MARCHF1: variants seen among roughly 807,000 people sequenced by gnomAD.
The protein encoded by MARCHF1 is membrane associated ring-CH-type finger 1.
In MARCHF1, 40 loss-of-function variants were observed where a neutral mutation model predicts 54.2. That is an observed-to-expected ratio of 0.74 (90% CI 0.57 to 0.96). MARCHF1 has a LOEUF of 0.96. Ranked by LOEUF, MARCHF1 falls within the 40% of genes least tolerant of loss-of-function variation. The pLI, the probability that MARCHF1 is intolerant of heterozygous loss-of-function variation, is 0.00. For missense variants in MARCHF1, 586 were observed against 656.5 expected, an observed-to-expected ratio of 0.89 and a Z score of 1.17; for synonymous variants, 236 against 236.3, an observed-to-expected ratio of 1.00 and a Z score of 0.01.
chr4:163,770,282 T>C (rs1747117383), intron 4 of MARCHF1, among the ~76,000 whole-genome samples: 1 of 152,120 alleles, frequency 6.6e-6, no homozygotes, highest in African/African-American at 2.4e-5. Flanking sequence ...GTCAATTGTA[T>C]ATTTAAAATC....
At chr4:164,142,594 G>C (rs1468100450) in intron 1 of MARCHF1, among the ~76,000 whole-genome samples, 1 of 152,092 alleles carries the variant, frequency 6.6e-6, no homozygotes, top group East Asian at 1.9e-4. Flanking sequence ...TACTCCAACA[G>C]ACCTGCAGCT....
intron 3 of MARCHF1, 60 bp from the exon 4 acceptor site, chr4:163,854,229 A>G (rs1400795615): frequency 4.8e-6 from 6 of 1,247,050 alleles, no homozygotes; most frequent in Non-Finnish European, 6.4e-6. Flanking sequence ...TTTGGAAAAT[A>G]CATATAATCA....
intron 4 of MARCHF1, among the ~76,000 whole-genome samples, chr4:163,833,504 C>G (rs1416304835): frequency 6.6e-6 from 1 of 152,022 alleles, no homozygotes; most frequent in African/African-American, 2.4e-5. Flanking sequence ...CTACAATGAA[C>G]TCAAACAAAT....
intron 5 of MARCHF1, among the ~76,000 whole-genome samples, chr4:163,633,948 T>C (rs1359688045): frequency 2.0e-5 from 3 of 152,124 alleles, no homozygotes; most frequent in African/African-American, 7.2e-5. Flanking sequence ...TATTCAACAT[T>C]CTTAAAGAAA....
chr4:163,634,585 A>G (rs1427756726), intron 5 of MARCHF1, among the ~76,000 whole-genome samples: 1 of 152,134 alleles, frequency 6.6e-6, no homozygotes, highest in Non-Finnish European at 1.5e-5. Context: ...AGGAGCACCA[A>G]GATTCATAAA....
rs1182087881 is a variant in MARCHF1 at position 163,612,307 on chromosome 4, G to A, written c.974C>T (p.Thr325Ile). ...TAAATTATCAGACCCATCGTCATAG[G>A]TGGCAGGAGGCTTCTGAACAGGGTT... ...VNNPVQKPPA[T>I]YDDGSDNLEV... Residue 325 changes from threonine (T) to isoleucine (I), a missense_variant, in exon 7 of 10, where the codon ACC becomes ATC. Thr to Ile is a moderately conservative substitution (Grantham distance 89). This residue lies in a region of MARCHF1 where 387 missense variants were observed against 394.6 expected (regional missense o/e 0.98). Coordinates refer to ENST00000514618, the MANE Select transcript of MARCHF1 (RefSeq NM_001394959.1). 1.3e-6 allele frequency: 2 copies of A among 1,522,048 alleles called. No homozygotes were observed. Among genetic ancestry groups the A allele is most frequent in the Non-Finnish European group, 1.8e-6 (2 of 1,142,566 alleles). 94.3% of individuals were successfully genotyped at this position (1,522,048 alleles called of 1,614,324 possible).
intron 5 of MARCHF1, among the ~76,000 whole-genome samples, chr4:163,644,161 C>T (rs980912788): frequency 1.3e-5 from 2 of 152,020 alleles, no homozygotes; most frequent in Admixed American, 6.6e-5. Flanking sequence ...ATATTGTTTT[C>T]TCAAAAGCTA....
chr4:164,221,164 T>C (rs543883661), intron 1 of MARCHF1, among the ~76,000 whole-genome samples: 2 of 152,174 alleles, frequency 1.3e-5, no homozygotes, highest in South Asian at 2.1e-4. Context: ...TGAAGAATTG[T>C]TGACAATAAG....
At chr4:164,324,163 C>T (rs1735213685) in intron 1 of MARCHF1, among the ~76,000 whole-genome samples, 1 of 151,726 alleles carries the variant, frequency 6.6e-6, no homozygotes, top group Admixed American at 6.6e-5. Flanking sequence ...ATCAATTACA[C>T]AAACAAACAG....
intron 1 of MARCHF1, among the ~76,000 whole-genome samples, chr4:164,149,551 T>A (rs1290153205): frequency 1.3e-5 from 2 of 152,164 alleles, no homozygotes; most frequent in Admixed American, 1.3e-4. Context: ...GCTTTTCTTC[T>A]TTTTAATCAA....
intron 1 of MARCHF1, among the ~76,000 whole-genome samples, chr4:164,118,799 A>C (rs1490905644): frequency 6.6e-6 from 1 of 151,770 alleles, no homozygotes; most frequent in Non-Finnish European, 1.5e-5. Context: ...ATTCAGGTCC[A>C]AAAACACTAA....
chr4:163,607,102 A>G (rs771017405), intron 7 of MARCHF1, among the ~76,000 whole-genome samples: 2 of 152,114 alleles, frequency 1.3e-5, no homozygotes. Context: ...AGAGAGTGAG[A>G]GAACCACATT....
intron 1 of MARCHF1, among the ~76,000 whole-genome samples, chr4:164,172,858 G>A (rs34042111): frequency 0.19 from 28,589 of 151,722 alleles, 4,328 homozygotes; most frequent in African/African-American, 0.41. Flanking sequence ...GCGGGGGCCT[G>A]TAGTCCCAGC....
intron 1 of MARCHF1, among the ~76,000 whole-genome samples, chr4:164,156,091 T>C (rs967259244): frequency 9.2e-5 from 14 of 152,146 alleles, no homozygotes; most frequent in Non-Finnish European, 2.9e-5. Context: ...TATAGACTAT[T>C]TACTCCAGAA....
intron 4 of MARCHF1, among the ~76,000 whole-genome samples, chr4:163,734,056 T>C (rs769305529): frequency 2.0e-5 from 3 of 151,880 alleles, no homozygotes; most frequent in Non-Finnish European, 4.4e-5. Context: ...TGCAAAGATG[T>C]TCAACATAAT....
At chr4:164,304,017 A>T (rs1435240221) in intron 1 of MARCHF1, among the ~76,000 whole-genome samples, 1 of 152,230 alleles carries the variant, frequency 6.6e-6, no homozygotes, top group Non-Finnish European at 1.5e-5. Context: ...CCTTCCAAAC[A>T]GACTACTGCA....
chr4:163,630,752 G>A (rs1369731567), intron 5 of MARCHF1, among the ~76,000 whole-genome samples: 3 of 151,902 alleles, frequency 2.0e-5, no homozygotes, highest in Non-Finnish European at 4.4e-5. Flanking sequence ...TAAAGGAAAT[G>A]TTAAAAATTA....
At chr4:163,849,650 A>G (rs144545368) in intron 4 of MARCHF1, among the ~76,000 whole-genome samples, 176 of 152,260 alleles carry the variant, frequency 1.2e-3, no homozygotes, top group East Asian at 3.3e-3. Context: ...AGTGATGCAT[A>G]TCACTTCCAA....
chr4:163,778,291 AT>A, intron 4 of MARCHF1, among the ~76,000 whole-genome samples: 1 of 152,298 alleles, frequency 6.6e-6, no homozygotes, highest in South Asian at 2.1e-4. Context: ...TAGGAGACAA[AT>A]TGGTGCATTA....
Sources: allele counts gnomAD v4.1 joint callset (sites outside exome capture counted in the v4.1 genomes callset), GRCh38; gene constraint gnomAD v4.1.1; regional missense constraint gnomAD v4.1.1; transcripts MANE v1.5; gene names NCBI Gene and HGNC (gene_info 2026-07-23, HGNC 2026-07-21).